Variants in CHCHD3 observed in about 807,000 individuals in gnomAD.
CHCHD3 encodes MICOS complex subunit MIC19.
CHCHD3 carries 20 observed loss-of-function variants against 38.2 expected under a neutral mutation model. The ratio of observed to expected loss-of-function variants is 0.52; its 90% CI spans 0.37 to 0.76. CHCHD3 has a LOEUF of 0.76. Ranked by LOEUF, CHCHD3 falls within the 30% of genes least tolerant of loss-of-function variation. The pLI is 0.00. For synonymous variants in CHCHD3, 82 were observed against 100.0 expected (o/e 0.82, Z 1.07); for missense variants, 245 against 279.2 (o/e 0.88, Z 0.87).
Position 133,035,199 on chromosome 7 carries a change from T to C in CHCHD3, c.170-10572A>G, listed in dbSNP as rs1048232471. The C allele has an allele frequency of 1.4e-5, 22 of 1,613,648 alleles. No homozygotes were observed. The African/African-American group carries it at 2.5e-4, about 19-fold the overall frequency. The stretch of plus-strand genomic sequence containing the variant: ...CTTCCGCTCAGCCTGGGGCTTCTGC[T>C]TCTCTTCCCGTGAACCCTTCTCTTT... On this transcript the variant is annotated intron_variant, in intron 2 of 7. Coordinates refer to ENST00000262570, the MANE Select transcript of CHCHD3 (RefSeq NM_017812.4). This position sits in a 1 kb window ranked among gnomAD's most constrained non-coding sequence, Gnocchi z 4.7.
chr7:133,024,498 AAT>A, intron 3 of CHCHD3, 46 bp downstream of exon 3: 6 of 1,268,200 alleles, frequency 4.7e-6, no homozygotes, highest in Non-Finnish European at 6.9e-6. Flanking sequence ...AATACTGGTA[AAT>A]ATGACAAAAC....
intron 2 of CHCHD3, among the ~76,000 whole-genome samples, chr7:133,033,062 TAATAA>T (rs1272237712): frequency 1.3e-5 from 2 of 152,152 alleles, no homozygotes; most frequent in African/African-American, 2.4e-5. Context: ...AGCTAATTTA[TAATAA>T]AATAATGGCA....
Position 132,818,414 on chromosome 7 carries a change from C to T in CHCHD3, c.524+19985G>A, listed in dbSNP as rs372657828. ...CCAGAAAAAGGAATGGTTCTCTTATCCTTAAAGTACACAGGAATTTTCTCC... is the reference window on the plus strand; with the variant it reads ...CCAGAAAAAGGAATGGTTCTCTTATTCTTAAAGTACACAGGAATTTTCTCC... On this transcript the variant is annotated intron_variant, in intron 6 of 7. Coordinates refer to ENST00000262570, the MANE Select transcript of CHCHD3 (RefSeq NM_017812.4). Among the ~76,000 whole-genome samples, 16 of 152,282 alleles carry T rather than the reference C, an allele frequency of 1.1e-4. 1 individual carries two copies. The East Asian group carries it at 2.9e-3, about 28-fold the overall frequency.
At chr7:133,008,962 A>G (rs1386545121) in intron 3 of CHCHD3, among the ~76,000 whole-genome samples, 1 of 127,724 alleles carries the variant, frequency 7.8e-6, no homozygotes, top group Non-Finnish European at 1.7e-5. Context: ...TGAAAAAACA[A>G]AAAAGACCAA....
chr7:133,081,818 G>A (rs780843438), intron 1 of CHCHD3, 39 bp downstream of exon 1: 10 of 1,545,902 alleles, frequency 6.5e-6, no homozygotes, highest in Non-Finnish European at 8.8e-6. Flanking sequence ...TGGGGTCCGA[G>A]TCCAACCACT....
intron 3 of CHCHD3, among the ~76,000 whole-genome samples, chr7:133,007,092 G>T (rs1328048081): frequency 6.6e-6 from 1 of 152,140 alleles, no homozygotes; most frequent in Non-Finnish European, 1.5e-5. Flanking sequence ...TCTAAACAGT[G>T]TGAGTTATTT....
chr7:132,870,680 T>A (rs1189061732), intron 5 of CHCHD3, among the ~76,000 whole-genome samples: 2 of 152,178 alleles, frequency 1.3e-5, no homozygotes, highest in Non-Finnish European at 2.9e-5. Context: ...GTCTAATATA[T>A]GAATCCATAT....
chr7:132,907,135 A>G (rs1585625967), intron 4 of CHCHD3, among the ~76,000 whole-genome samples: 1 of 152,226 alleles, frequency 6.6e-6, no homozygotes, highest in Non-Finnish European at 1.5e-5. Flanking sequence ...TAAGCACTCA[A>G]TGAAAACCTG....
At chr7:133,011,636 G>A (rs555829582) in intron 3 of CHCHD3, among the ~76,000 whole-genome samples, 101 of 152,298 alleles carry the variant, frequency 6.6e-4, no homozygotes, top group Non-Finnish European at 9.6e-4. Flanking sequence ...TCCAGCAGCT[G>A]AGAACCACTG....
At chr7:132,871,475 C>T (rs1045073156) in intron 5 of CHCHD3, among the ~76,000 whole-genome samples, 1 of 152,088 alleles carries the variant, frequency 6.6e-6, no homozygotes, top group Non-Finnish European at 1.5e-5. Flanking sequence ...CAGAAGTGCT[C>T]GTTGTAGTTC....
intron 2 of CHCHD3, among the ~76,000 whole-genome samples, chr7:133,062,718 C>A (rs921862375): frequency 6.6e-6 from 1 of 152,072 alleles, no homozygotes; most frequent in African/African-American, 2.4e-5. Flanking sequence ...TGTGACTCCA[C>A]GACATTACTA....
At chr7:133,020,727 A>G (rs2117433995) in intron 3 of CHCHD3, among the ~76,000 whole-genome samples, 1 of 152,340 alleles carries the variant, frequency 6.6e-6, no homozygotes, top group East Asian at 1.9e-4. Context: ...AATTCCAGGA[A>G]TAAGAGTGGA....
intron 3 of CHCHD3, among the ~76,000 whole-genome samples, chr7:132,989,181 TTAAC>T (rs1344635879): frequency 6.6e-6 from 1 of 152,178 alleles, no homozygotes; most frequent in African/African-American, 2.4e-5. Context: ...AGGACTGTAT[TTAAC>T]CAGCATTAAG....
At chr7:132,887,900 T>G (rs1809256767) in intron 4 of CHCHD3, among the ~76,000 whole-genome samples, 2 of 151,948 alleles carry the variant, frequency 1.3e-5, no homozygotes, top group South Asian at 4.1e-4. Context: ...TAACAAGTCT[T>G]TAAAATATAC....
rs1814779517 is a variant in CHCHD3, at chr7:133,070,201, T to TTCACTCGATCAATCGAATGATCAA, written c.109_110insTTGATCATTCGATTGATCGAGTGA (p.Met36_Lys37insIleAspHisSerIleAspArgVal). 1.1e-5 allele frequency: 18 copies of TTCACTCGATCAATCGAATGATCAA among 1,613,558 alleles called. No homozygotes were observed. In the East Asian group the frequency reaches 4.0e-4, roughly 36 times the overall value. The stretch of plus-strand genomic sequence containing the variant: ...CTTCGAACCAGATGGAGAGGATTCC[T>TTCACTCGATCAATCGAATGATCAA]TCATTCGATCAATCACATTTTCCGA... On this transcript the variant is annotated inframe_insertion, in exon 2 of 8. Transcript: ENST00000262570.
At chr7:132,878,733 T>G (rs1201550494) in intron 5 of CHCHD3, among the ~76,000 whole-genome samples, 1 of 152,174 alleles carries the variant, frequency 6.6e-6, no homozygotes, top group Non-Finnish European at 1.5e-5. Flanking sequence ...AGATAAGGGA[T>G]TCAGGTGTGT....
intron 5 of CHCHD3, among the ~76,000 whole-genome samples, chr7:132,845,809 T>C (rs1047627301): frequency 4.6e-5 from 7 of 152,208 alleles, no homozygotes; most frequent in Non-Finnish European, 1.0e-4. Flanking sequence ...TCCTGTACTT[T>C]CCGGCATGCA....
At chr7:133,033,330 G>A (rs1057299577) in intron 2 of CHCHD3, among the ~76,000 whole-genome samples, 1 of 152,084 alleles carries the variant, frequency 6.6e-6, no homozygotes, top group African/African-American at 2.4e-5. Flanking sequence ...AGAAGTTAGA[G>A]GGCACAGGAC....
intron 7 of CHCHD3, 69 bp from the exon 8 acceptor site, chr7:132,785,729 T>G (rs1406531454): frequency 6.9e-7 from 1 of 1,450,920 alleles, no homozygotes; most frequent in Non-Finnish European, 9.6e-7. Context: ...CACTAACTAT[T>G]TAGTATGATT....
Sources: allele counts gnomAD v4.1 joint callset (sites outside exome capture counted in the v4.1 genomes callset), GRCh38; gene constraint gnomAD v4.1.1; non-coding constraint Gnocchi (gnomAD v3.1); transcripts MANE v1.5; gene names NCBI Gene and HGNC (gene_info 2026-07-23, HGNC 2026-07-21).